The following KCNAB1 variants were observed in gnomAD, a reference collection of about 807,000 sequenced individuals.
The protein encoded by KCNAB1 is potassium voltage-gated channel subfamily A regulatory beta subunit 1, also known as voltage-gated potassium channel subunit beta-1.
KCNAB1 carries 35 observed loss-of-function variants against 64.6 expected under a neutral mutation model. The observed-to-expected ratio is 0.54, with a 90% CI of 0.41 to 0.72. KCNAB1 has a LOEUF of 0.72. Ranked by LOEUF, KCNAB1 falls within the 30% of genes least tolerant of loss-of-function variation. The probability of loss-of-function intolerance (pLI) is 0.00; values close to 1 mark genes in which losing one functional copy is unlikely to be tolerated. For missense variants in KCNAB1, 401 were observed against 512.9 expected, an observed-to-expected ratio of 0.78 and a Z score of 2.11; for synonymous variants, 177 against 183.8, an observed-to-expected ratio of 0.96 and a Z score of 0.30.
chr3:156,400,299 A>C (rs1713797257), intron 1 of KCNAB1, among the ~76,000 whole-genome samples: 1 of 152,210 alleles, frequency 6.6e-6, no homozygotes, highest in African/African-American at 2.4e-5. Flanking sequence ...CAGCCTGCAA[A>C]GATAACCACC....
chr3:156,178,987 C>T (rs1394488836), intron 1 of KCNAB1, among the ~76,000 whole-genome samples: 2 of 122,582 alleles, frequency 1.6e-5, no homozygotes, highest in Non-Finnish European at 3.2e-5. Context: ...GGAGACACAG[C>T]GAGACTCCGT....
chr3:156,369,566 C>T (rs1031751802), intron 1 of KCNAB1, among the ~76,000 whole-genome samples: 1 of 152,166 alleles, frequency 6.6e-6, no homozygotes, highest in African/African-American at 2.4e-5. Context: ...GGGAGAGAAG[C>T]AGCAAAATAA....
chr3:156,490,811 C>T (rs768709034), intron 8 of KCNAB1, among the ~76,000 whole-genome samples: 3 of 151,966 alleles, frequency 2.0e-5, no homozygotes, highest in Admixed American at 1.3e-4. Flanking sequence ...ATTTCCAGAT[C>T]GGAAGAACAC....
At chr3:156,469,192 T>C (rs988520579) in intron 7 of KCNAB1, among the ~76,000 whole-genome samples, 4 of 151,950 alleles carry the variant, frequency 2.6e-5, no homozygotes, top group African/African-American at 9.7e-5. Flanking sequence ...TCCATTGCTT[T>C]AATATTTACC....
chr3:156,516,188 G>T (rs2108394589), intron 10 of KCNAB1, 82 bp from the exon 11 acceptor site: 1 of 915,148 alleles, frequency 1.1e-6, no homozygotes, highest in Non-Finnish European at 1.8e-6. Flanking sequence ...ACCAAATTCT[G>T]TTTAAACACT....
chr3:156,270,016 C>T lies in KCNAB1; in HGVS notation c.275+149130C>T, dbSNP rs561610728. 2.3e-3 allele frequency among the ~76,000 whole-genome samples: 346 copies of T among 150,864 alleles called. 1 individual carries two copies. The highest frequency in any genetic ancestry group is 3.4e-3 in the Non-Finnish European group (233 of 67,720). ...CTGCAAGCTCTGCCTCCTGGGTTCG[C>T]GCCATTCTCCTGCCTCAGCCTCCTG... is the stretch of plus-strand genomic sequence containing the variant. On this transcript the variant is annotated intron_variant, in intron 1 of 13. Transcript: ENST00000490337.
intron 11 of KCNAB1, among the ~76,000 whole-genome samples, chr3:156,520,237 G>A (rs1295325169): frequency 6.6e-6 from 1 of 152,110 alleles, no homozygotes; most frequent in East Asian, 1.9e-4. Flanking sequence ...AATAAATAGT[G>A]CAATAAAATT....
intron 11 of KCNAB1, among the ~76,000 whole-genome samples, chr3:156,519,030 C>G (rs73166596): frequency 7.2e-5 from 11 of 152,270 alleles, no homozygotes; most frequent in Middle Eastern, 3.4e-3. Flanking sequence ...TATTCCTGTT[C>G]AACAAGGCAC....
intron 1 of KCNAB1, among the ~76,000 whole-genome samples, chr3:156,364,160 G>C (rs1003234616): frequency 6.6e-6 from 1 of 152,176 alleles, no homozygotes; most frequent in African/African-American, 2.4e-5. Flanking sequence ...GGAAGTTCCA[G>C]AGGTAATCTG....
intron 1 of KCNAB1, among the ~76,000 whole-genome samples, chr3:156,187,220 T>G (rs867891379): frequency 2.0e-5 from 3 of 152,162 alleles, no homozygotes; most frequent in Non-Finnish European, 4.4e-5. Context: ...ACCTTGGTAT[T>G]TCTCAGAGAT....
At chr3:156,178,799 A>G (rs1712570541) in intron 1 of KCNAB1, among the ~76,000 whole-genome samples, 1 of 151,992 alleles carries the variant, frequency 6.6e-6, no homozygotes, top group Non-Finnish European at 1.5e-5. Flanking sequence ...CAGGAGATCG[A>G]GACCATCTTG....
At chr3:156,326,931 A>G (rs537099685) in intron 1 of KCNAB1, among the ~76,000 whole-genome samples, 11 of 152,152 alleles carry the variant, frequency 7.2e-5, no homozygotes, top group Non-Finnish European at 1.5e-4. Context: ...ACATATAATT[A>G]AGAGTAGAAA....
intron 1 of KCNAB1, among the ~76,000 whole-genome samples, chr3:156,144,733 T>C (rs1191874546): frequency 6.6e-6 from 1 of 152,192 alleles, no homozygotes; most frequent in Non-Finnish European, 1.5e-5. Flanking sequence ...AAGGGGAAGA[T>C]GGACCATTTC....
At chr3:156,503,773 T>C (rs543448729) in intron 8 of KCNAB1, among the ~76,000 whole-genome samples, 1 of 152,356 alleles carries the variant, frequency 6.6e-6, no homozygotes, top group South Asian at 2.1e-4. Flanking sequence ...TTATTATTTT[T>C]AGTTGACACA....
chr3:156,226,195 C>T lies in KCNAB1; in HGVS notation c.275+105309C>T, dbSNP rs149567206. Among the ~76,000 whole-genome samples the T allele has an allele frequency of 1.2e-4, 19 of 152,290 alleles. No homozygotes were observed. The East Asian group carries it at 2.9e-3, about 23-fold the overall frequency. ...TGTAAGGCCACAGTCACCAAAACAG[C>T]ATTATACTGGTATAAAAATTGGCAC... On this transcript the variant is annotated intron_variant, in intron 1 of 13. Transcript: ENST00000490337.
At chr3:156,263,025 T>G (rs749539177) in intron 1 of KCNAB1, among the ~76,000 whole-genome samples, 42 of 152,052 alleles carry the variant, frequency 2.8e-4, no homozygotes, top group Non-Finnish European at 5.0e-4. Context: ...ATTTGGGTAA[T>G]TTGTTTTCAG....
chr3:156,118,820 G>T (rs539148718), upstream of KCNAB1, among the ~76,000 whole-genome samples: 5 of 152,180 alleles, frequency 3.3e-5, no homozygotes, highest in Non-Finnish European at 5.9e-5. Context: ...TTAAACTGGG[G>T]TGATTATCTC....
At chr3:156,407,034 C>T (rs1275013438) in intron 1 of KCNAB1, among the ~76,000 whole-genome samples, 2 of 152,200 alleles carry the variant, frequency 1.3e-5, no homozygotes, top group Middle Eastern at 3.2e-3. Flanking sequence ...CTCTGTTATA[C>T]AATTCTATTT....
At chr3:156,532,438 G>GT (rs569226217) in intron 13 of KCNAB1, among the ~76,000 whole-genome samples, 473 of 152,238 alleles carry the variant, frequency 3.1e-3, no homozygotes, top group African/African-American at 0.01. Context: ...ACCTGGTAAG[G>GT]TTATCTATTT....
Sources: allele counts gnomAD v4.1 joint callset (sites outside exome capture counted in the v4.1 genomes callset), GRCh38; gene constraint gnomAD v4.1.1; transcripts MANE v1.5; gene names NCBI Gene and HGNC (gene_info 2026-07-23, HGNC 2026-07-21).